The following FGFR4 variants were observed in gnomAD, a reference collection of about 807,000 sequenced individuals.
FGFR4 encodes fibroblast growth factor receptor 4, also known as hydroxyaryl-protein kinase.
In FGFR4, 63 loss-of-function variants were observed where a neutral mutation model predicts 89.9. The ratio of observed to expected loss-of-function variants is 0.70; its 90% CI spans 0.57 to 0.86. The LOEUF (loss-of-function observed/expected upper bound fraction) is 0.86. Ranked by LOEUF, FGFR4 falls within the 40% of genes least tolerant of loss-of-function variation. FGFR4 has a pLI of 0.00. For synonymous variants in FGFR4, 486 were observed against 479.4 expected (o/e 1.01, Z -0.18); for missense variants, 928 against 1,106.7 (o/e 0.84, Z 2.29).
chr5:177,090,488 G>A lies in FGFR4; in HGVS notation c.190G>A (p.Gly64Ser). The change falls in exon 3 of 18, where the codon GGC (glycine) becomes AGC (serine). Residue 64 changes from glycine (G) to serine (S), a missense_variant. Physicochemically the swap from Gly to Ser is moderately conservative, Grantham distance 56 (BLOSUM62 0). Around this residue, in one of 5 missense-constraint regions of FGFR4, gnomAD observed 741 missense variants for 836.9 expected, o/e 0.89. Coordinates refer to ENST00000292408, the MANE Select transcript of FGFR4 (RefSeq NM_213647.3). ...GTGCTGTGGGCGGGCTGAGCGTGGT[G>A]GCCACTGGTACAAGGAGGGCAGTCG... ...RLCCGRAERG[G>S]HWYKEGSRLA... 5 of 1,588,470 alleles carry A rather than the reference G, an allele frequency of 3.1e-6. No homozygotes were observed. The highest frequency in any genetic ancestry group is 4.3e-6 in the Non-Finnish European group (5 of 1,166,904).
chr5:177,091,663 C>T (rs181522246), intron 5 of FGFR4, 22 bp from the exon 6 acceptor site: 530 of 1,613,672 alleles, frequency 3.3e-4, no homozygotes, highest in Admixed American at 1.3e-3. Flanking sequence ...CCGGTGGTCC[C>T]GGACACTCTC....
Position 177,090,660 on chromosome 5 carries a change from G to C in FGFR4, c.355+7G>C. 1.3e-6 allele frequency: 2 copies of C among 1,525,256 alleles called. No homozygotes were observed. The highest frequency in any genetic ancestry group is 1.3e-5 in the South Asian group (1 of 75,996). 94.5% of individuals were successfully genotyped at this position (1,525,256 alleles called of 1,614,324 possible). On this transcript the variant is annotated splice_region_variant and intron_variant, in intron 3 of 17. Coordinates refer to ENST00000292408, the MANE Select transcript of FGFR4 (RefSeq NM_213647.3). ...CTCACCTTGATTACAGGTGGTAAGA[G>C]ACTCTAGCAGGGAGTGAAGGGATGC...
rs1562070034 is a variant in FGFR4, at chr5:177,092,519, G to T, written c.918+8G>T. ...TATGTGCAAGTCCTAAAGGTAAAAGGTGCACCCTGCTGCAGCCTGGGCCCC... is the reference window on the plus strand; with the variant it reads ...TATGTGCAAGTCCTAAAGGTAAAAGTTGCACCCTGCTGCAGCCTGGGCCCC... On this transcript the variant is annotated splice_region_variant and intron_variant, in intron 7 of 17. Coordinates refer to ENST00000292408, the MANE Select transcript of FGFR4 (RefSeq NM_213647.3). The T allele has an allele frequency of 6.4e-7, 1 of 1,570,542 alleles. No homozygotes were observed. Among genetic ancestry groups the T allele is most frequent in the Non-Finnish European group, 8.7e-7 (1 of 1,154,220 alleles).
rs946781700 is a variant in FGFR4, at chr5:177,087,717, A to G, written c.-54+640A>G. On this transcript the variant is annotated intron_variant, in intron 1 of 17. Coordinates refer to ENST00000292408, the MANE Select transcript of FGFR4 (RefSeq NM_213647.3). This position sits in a 1 kb window ranked among gnomAD's most constrained non-coding sequence, Gnocchi z 6.1. The stretch of plus-strand genomic sequence containing the variant: ...AAGAGCTGCCCTCCCTGCCAAGCCG[A>G]GCTTGGTAGGGAGTTTTACCAAGGA... 1.1e-6 allele frequency: 1 copy of G among 879,786 alleles called. No homozygotes were observed. The highest frequency in any genetic ancestry group is 1.4e-6 in the Non-Finnish European group (1 of 733,714). The allele number at this position is 879,786 out of a possible 1,614,324, so 54.5% of individuals were successfully genotyped here.
chr5:177,096,375 T>A lies in FGFR4; in HGVS notation c.2015+18T>A, dbSNP rs1582019321. 1 of 1,613,640 alleles carries A rather than the reference T, an allele frequency of 6.2e-7. No individual in the cohort carries two copies. The highest frequency in any genetic ancestry group is 1.1e-5 in the South Asian group (1 of 91,068). On this transcript the variant is annotated intron_variant, in intron 15 of 17. Transcript: ENST00000292408. ...AGTGACGTGTGAGTCCTGCCGGCGG[T>A]CACTGTCCTACCCCACAAAAAGGGC...
At position 177,093,621 on chromosome 5, in the gene FGFR4, G is replaced by C. The variant is rs45496300; in HGVS notation, c.1398-33G>C. The C allele has an allele frequency of 6.2e-7, 1 of 1,614,042 alleles. No individual in the cohort carries two copies. The highest frequency in any genetic ancestry group is 1.1e-5 in the South Asian group (1 of 91,062). ...AGCCCGCCCTCCGCAGGAGTGACTC[G>C]GAGGTCTGAGGCTGGACTTTCTCCA... is the stretch of plus-strand genomic sequence containing the variant. On this transcript the variant is annotated intron_variant, in intron 10 of 17. Coordinates refer to ENST00000292408, the MANE Select transcript of FGFR4 (RefSeq NM_213647.3). The surrounding 1 kb of genome is among the most constrained non-coding windows in gnomAD (Gnocchi z 5.8).
Position 177,087,593 on chromosome 5 carries a change from A to G in FGFR4, c.-54+516A>G. The G allele has an allele frequency of 4.1e-6, 4 of 985,536 alleles. No individual in the cohort carries two copies. The highest frequency in any genetic ancestry group is 4.8e-6 in the Non-Finnish European group (4 of 830,064). The allele number at this position is 985,536 out of a possible 1,614,324, so 61.0% of individuals were successfully genotyped here. ...GGTGGTCGGTCAGCGGTCAGCAGCCATGGGTGACTCGACTAAGGACTCTGA... is the reference window on the plus strand; with the variant it reads ...GGTGGTCGGTCAGCGGTCAGCAGCCGTGGGTGACTCGACTAAGGACTCTGA... On this transcript the variant is annotated intron_variant, in intron 1 of 17. Coordinates refer to ENST00000292408, the MANE Select transcript of FGFR4 (RefSeq NM_213647.3). The surrounding 1 kb of genome is among the most constrained non-coding windows in gnomAD (Gnocchi z 6.1).
At position 177,087,027 on chromosome 5, in the gene FGFR4, G is replaced by GACCC. The variant is rs1784167670; in HGVS notation, c.-103_-102insCCCA. On this transcript the variant is annotated 5_prime_UTR_variant, in exon 1 of 18. Transcript: ENST00000292408. This position sits in a 1 kb window ranked among gnomAD's most constrained non-coding sequence, Gnocchi z 6.1. ...GGCGGCGGAGGAGCCAGGTGAGGAG[G>GACCC]AGCCAGGTGAGCAGGACCCTGTGCT... 5 of 152,950 alleles carry GACCC rather than the reference G, an allele frequency of 3.3e-5. No individual in the cohort carries two copies. The highest frequency in any genetic ancestry group is 1.2e-4 in the African/African-American group (5 of 41,416). The allele number at this position is 152,950 out of a possible 1,614,324, so 9.5% of individuals were successfully genotyped here. A position where few individuals can be genotyped will look rare whatever the true frequency, so the allele number is the denominator to read the frequency against.
rs1391141415 is a variant in FGFR4 at position 177,093,149 on chromosome 5, A to G, written c.1069A>G (p.Thr357Ala). 1.2e-6 allele frequency: 2 copies of G among 1,614,078 alleles called. No individual in the cohort carries two copies. The highest frequency in any genetic ancestry group is 2.7e-5 in the African/African-American group (2 of 75,048). The change falls in exon 9 of 18, where the codon ACA becomes GCA. Residue 357 changes from threonine (T) to alanine (A), a missense_variant. Thr to Ala is a moderately conservative substitution (Grantham distance 58). This residue lies in a region of FGFR4 where 741 missense variants were observed against 836.9 expected (regional missense o/e 0.89). Transcript: ENST00000292408. The surrounding 1 kb of genome is among the most constrained non-coding windows in gnomAD (Gnocchi z 5.8). Reference protein sequence around the residue: ...WLTVLPEEDPTWTAAAPEARY... With the variant: ...WLTVLPEEDPAWTAAAPEARY... ...ATGTGCGAGGGCAGAGGAGGACCCCACATGGACCGCAGCAGCGCCCGAGGC... is the reference window on the plus strand; with the variant it reads ...ATGTGCGAGGGCAGAGGAGGACCCCGCATGGACCGCAGCAGCGCCCGAGGC...
chr5:177,097,240 T>G (rs903467906), intron 16 of FGFR4, 52 bp from the exon 17 acceptor site: 8 of 1,450,996 alleles, frequency 5.5e-6, no homozygotes, highest in South Asian at 5.2e-5. Flanking sequence ...GGTCCTCCCC[T>G]TCCTCCTGAA....
Position 177,093,661 on chromosome 5 carries a change from C to G in FGFR4, c.1405C>G (p.Leu469Val). Residue 469 changes from leucine to valine, a missense_variant, in exon 11 of 18, where the codon CTT becomes GTT. This residue lies in a region of FGFR4 where 741 missense variants were observed against 836.9 expected (regional missense o/e 0.89). Coordinates refer to ENST00000292408, the MANE Select transcript of FGFR4 (RefSeq NM_213647.3). The surrounding 1 kb of genome is among the most constrained non-coding windows in gnomAD (Gnocchi z 5.8). ...LWEFPRDRLV[L>V]GKPLGEGCFG... The stretch of plus-strand genomic sequence containing the variant: ...GACTTTCTCCATCTCCAGGCTGGTG[C>G]TTGGGAAGCCCCTAGGCGAGGGCTG... 6.2e-7 allele frequency: 1 copy of G among 1,614,182 alleles called. No homozygotes were observed. The highest frequency in any genetic ancestry group is 1.3e-5 in the African/African-American group (1 of 75,050).
chr5:177,095,875 C>A lies in FGFR4; in HGVS notation c.1821+152C>A. The A allele has an allele frequency of 8.0e-7, 1 of 1,251,966 alleles. No individual in the cohort carries two copies. The highest frequency in any genetic ancestry group is 1.1e-6 in the Non-Finnish European group (1 of 923,986). The allele number at this position is 1,251,966 out of a possible 1,614,324, so 77.6% of individuals were successfully genotyped here. On this transcript the variant is annotated intron_variant, in intron 13 of 17. Transcript: ENST00000292408. The surrounding 1 kb of genome is among the most constrained non-coding windows in gnomAD (Gnocchi z 5.7). Reference sequence around the variant, plus strand: ...TTCACGCTTTCCTGCATTCCCCACTCGTTCCTCACCCTTCCCCAGAGGGGA... The same window carrying A: ...TTCACGCTTTCCTGCATTCCCCACTAGTTCCTCACCCTTCCCCAGAGGGGA...
chr5:177,090,463 G>A lies in FGFR4; in HGVS notation c.165G>A (p.Leu55=), dbSNP rs769168736. 6.2e-6 allele frequency: 10 copies of A among 1,601,024 alleles called. No individual in the cohort carries two copies. The highest frequency in any genetic ancestry group is 8.5e-6 in the Non-Finnish European group (10 of 1,174,650). The change falls in exon 3 of 18, where the codon CTG becomes CTA. Residue 55 remains leucine (L), a synonymous_variant. Coordinates refer to ENST00000292408, the MANE Select transcript of FGFR4 (RefSeq NM_213647.3). ...TAGCCCTTGGGCAGCCTGTGCGTCT[G>A]TGCTGTGGGCGGGCTGAGCGTGGTG... ...LTVALGQPVR[L]CCGRAERGGH... is the part of the protein sequence containing the mutation.
rs538562844 is a variant in FGFR4 at position 177,095,565 on chromosome 5, A to G, written c.1663A>G (p.Lys555Glu). The G allele has an allele frequency of 6.2e-7, 1 of 1,610,102 alleles. No individual in the cohort carries two copies. The highest frequency in any genetic ancestry group is 2.2e-5 in the East Asian group (1 of 44,738). Residue 555 changes from lysine (K) to glutamate (E), a missense_variant, in exon 13 of 18, where the codon AAG becomes GAG. By Grantham distance (56) the Lys-to-Glu change is moderately conservative. Transcript: ENST00000292408. This position sits in a 1 kb window ranked among gnomAD's most constrained non-coding sequence, Gnocchi z 5.7. ...PLYVIVECAAKGNLREFLRAR... is the reference protein window; with the variant it reads ...PLYVIVECAAEGNLREFLRAR... ...GTACGTGATCGTGGAGTGCGCCGCC[A>G]AGGGAAACCTGCGGGAGTTCCTGCG...
Position 177,095,646 on chromosome 5 carries a change from G to A in FGFR4, c.1744G>A (p.Gly582Arg). 1 of 1,607,324 alleles carries A rather than the reference G, an allele frequency of 6.2e-7. No individual in the cohort carries two copies. Among genetic ancestry groups the A allele is most frequent in the Non-Finnish European group, 8.5e-7 (1 of 1,178,094 alleles). Residue 582 changes from glycine (G) to arginine (R), a missense_variant, in exon 13 of 18, where the codon GGG becomes AGG. By Grantham distance (125) the Gly-to-Arg change is moderately radical. This residue lies in a region of FGFR4 where 741 missense variants were observed against 836.9 expected (regional missense o/e 0.89). Transcript: ENST00000292408. The surrounding 1 kb of genome is among the most constrained non-coding windows in gnomAD (Gnocchi z 5.7). ...CCCCGACGGTCCTCGGAGCAGTGAG[G>A]GGCCGCTCTCCTTCCCAGTCCTGGT... is the stretch of plus-strand genomic sequence containing the variant. The part of the protein sequence containing the change: ...LSPDGPRSSE[G>R]PLSFPVLVSC...
chr5:177,088,681 A>C (rs1454014992), intron 1 of FGFR4, among the ~76,000 whole-genome samples: 2 of 152,210 alleles, frequency 1.3e-5, no homozygotes, highest in East Asian at 1.9e-4. Flanking sequence ...GAGGATAGCC[A>C]GCTGGGGTGT....
rs780505846 is a variant in FGFR4, at chr5:177,092,351, C to G, written c.758C>G (p.Ala253Gly). Residue 253 changes from alanine (A) to glycine (G), a missense_variant, in exon 7 of 18, where the codon GCC becomes GGC. Transcript: ENST00000292408. ...TCCCCGCACCGGCCCATCCTGCAGG[C>G]CGGGCTCCCGGCCAACACCACAGCC... ...ERSPHRPILQ[A>G]GLPANTTAVV... The G allele has an allele frequency of 8.3e-5, 132 of 1,597,610 alleles. No homozygotes were observed. The highest frequency in any genetic ancestry group is 1.1e-4 in the Non-Finnish European group (126 of 1,168,860).
intron 11 of FGFR4, among the ~76,000 whole-genome samples, chr5:177,094,471 G>A (rs1410782859): frequency 6.6e-6 from 1 of 151,926 alleles, no homozygotes; most frequent in Non-Finnish European, 1.5e-5. Flanking sequence ...AGCCTCACAG[G>A]CCCTCTACCT....
chr5:177,087,351 A>T lies in FGFR4; in HGVS notation c.-54+274A>T, dbSNP rs1289724703. ...GTGCAGCTACCCTCGGGACCCATTG[A>T]TTCGCACCTCCCCCCAGGCTGGCCC... On this transcript the variant is annotated intron_variant, in intron 1 of 17. Transcript: ENST00000292408. This position sits in a 1 kb window ranked among gnomAD's most constrained non-coding sequence, Gnocchi z 6.1. The T allele has an allele frequency of 6.6e-6, 1 of 152,320 alleles. No individual in the cohort carries two copies. Among genetic ancestry groups the T allele is most frequent in the Non-Finnish European group, 1.5e-5 (1 of 68,452 alleles). The allele number at this position is 152,320 out of a possible 1,614,324, so 9.4% of individuals were successfully genotyped here.
Sources: gnomAD v4.1 joint callset for allele counts (sites outside exome capture counted in the v4.1 genomes callset) on GRCh38, gnomAD v4.1.1 for gene constraint, gnomAD v4.1.1 regional missense constraint, Gnocchi (gnomAD v3.1) non-coding constraint, MANE v1.5 for transcripts, NCBI Gene and HGNC (gene_info 2026-07-23, HGNC 2026-07-21) for gene names.